The following RD3 variants were observed in gnomAD, a reference collection of about 807,000 sequenced individuals.
RD3 encodes protein RD3.
RD3 carries 11 observed loss-of-function variants against 16.9 expected under a neutral mutation model. That is an observed-to-expected ratio of 0.65 (90% CI 0.41 to 1.08). The LOEUF (loss-of-function observed/expected upper bound fraction) is 1.08, where lower values mean the gene tolerates loss of function less well. Among genes scored for constraint, RD3 ranks in the 50% least tolerant of loss-of-function variants. The pLI, the probability that RD3 is intolerant of heterozygous loss-of-function variation, is 0.00. For synonymous variants in RD3, 116 were observed against 114.8 expected, an observed-to-expected ratio of 1.01 and a Z score of -0.07; for missense variants, 274 against 267.4, an observed-to-expected ratio of 1.02 and a Z score of -0.17.
chr1:211,477,162 T>A lies in RD3; in HGVS notation c.*1874A>T, dbSNP rs550383283. 1.8e-4 allele frequency: 27 copies of A among 152,198 alleles called. No homozygotes were observed. Among genetic ancestry groups the A allele is most frequent in the African/African-American group, 5.8e-4 (24 of 41,492 alleles). The allele number at this position is 152,198 out of a possible 1,614,324, so 9.4% of individuals were successfully genotyped here. A position where few individuals can be genotyped will look rare whatever the true frequency, so the allele number is the denominator to read the frequency against. On this transcript the variant is annotated 3_prime_UTR_variant, in exon 3 of 3. Coordinates refer to ENST00000680073, the MANE Select transcript of RD3 (RefSeq NM_001164688.2). ...CAAAAAAGCACAGCTTGGACCCACA[T>A]CAAAAGTTTGGCAGCCAGGCACAGT...
chr1:211,486,024 C>G (rs1257595457), intron 1 of RD3, among the ~76,000 whole-genome samples: 1 of 151,284 alleles, frequency 6.6e-6, no homozygotes, highest in Non-Finnish European at 1.5e-5. Context: ...GCCTGTAGTT[C>G]CAACTACTCA....
At chr1:211,485,884 C>T (rs953117641) in intron 1 of RD3, among the ~76,000 whole-genome samples, 5 of 152,172 alleles carry the variant, frequency 3.3e-5, no homozygotes, top group African/African-American at 7.2e-5. Flanking sequence ...AGGCCAGGCA[C>T]GATGGCTCAT....
At position 211,478,154 on chromosome 1, in the gene RD3, G is replaced by A. The variant is rs760692968; in HGVS notation, c.*882C>T. 14 of 398,586 alleles carry A rather than the reference G, an allele frequency of 3.5e-5. No homozygotes were observed. The highest frequency in any genetic ancestry group is 1.3e-4 in the Admixed American group (3 of 22,716). The allele number at this position is 398,586 out of a possible 1,614,324, so 24.7% of individuals were successfully genotyped here. On this transcript the variant is annotated 3_prime_UTR_variant, in exon 3 of 3. Coordinates refer to ENST00000680073, the MANE Select transcript of RD3 (RefSeq NM_001164688.2). The stretch of plus-strand genomic sequence containing the variant: ...CTTTAGGGCAGCATCTGAAGTCCTT[G>A]GAGCTGAGCCTCTGGAAGAAGCTGT...
chr1:211,479,064 G>A lies in RD3; in HGVS notation c.560C>T (p.Pro187Leu). The A allele has an allele frequency of 1.2e-6, 2 of 1,605,250 alleles. No homozygotes were observed. Among genetic ancestry groups the A allele is most frequent in the East Asian group, 2.2e-5 (1 of 44,724 alleles). ...GTCGGCTTTGGGCGCCCGGAATTCG[G>A]GCATGCTCCAGGACCGCAGTGGCGG... Reference protein sequence around the residue: ...TPPPLRSWSMPEFRAPKAD With the variant: ...TPPPLRSWSMLEFRAPKAD The change falls in exon 3 of 3, where the codon CCC becomes CTC. Residue 187 changes from proline to leucine, a missense_variant. Transcript: ENST00000680073.
At chr1:211,482,514 G>T (rs1705295358) in intron 1 of RD3, among the ~76,000 whole-genome samples, 1 of 151,868 alleles carries the variant, frequency 6.6e-6, no homozygotes, top group African/African-American at 2.4e-5. Context: ...GTGAGTGCGG[G>T]CTTCAGACAC....
At position 211,481,135 on chromosome 1, in the gene RD3, CCACAATAGGATGGGTGGATCTTAACG is replaced by C; in HGVS notation, c.255_280del (p.Cys85TrpfsTer153). The C allele has an allele frequency of 6.2e-7, 1 of 1,614,234 alleles. No individual in the cohort carries two copies. Among genetic ancestry groups the C allele is most frequent in the Non-Finnish European group, 8.5e-7 (1 of 1,180,044 alleles). ...CAGTGCTCACCTGAGGATAGCAGGCCCACAATAGGATGGGTGGATCTTAACGCAGACATCTTCCAGCTGCAACCGCT... is the reference window on the plus strand; with the variant it reads ...CAGTGCTCACCTGAGGATAGCAGGCCCAGACATCTTCCAGCTGCAACCGCT... On this transcript the variant is annotated frameshift_variant, in exon 2 of 3. Coordinates refer to ENST00000680073, the MANE Select transcript of RD3 (RefSeq NM_001164688.2). LOFTEE classifies it high-confidence loss of function.
chr1:211,486,554 A>C (rs1356091310), intron 1 of RD3, among the ~76,000 whole-genome samples: 1 of 151,214 alleles, frequency 6.6e-6, no homozygotes, highest in Non-Finnish European at 1.5e-5. Context: ...GGATGTTAGA[A>C]AATAATCCAT....
rs1196066521 is a variant in RD3 at position 211,481,382 on chromosome 1, C to T, written c.34G>A (p.Ala12Thr). 2 of 1,613,426 alleles carry T rather than the reference C, an allele frequency of 1.2e-6. No individual in the cohort carries two copies. Among genetic ancestry groups the T allele is most frequent in the Non-Finnish European group, 1.7e-6 (2 of 1,180,044 alleles). The change falls in exon 2 of 3, where the codon GCC becomes ACC. Residue 12 changes from alanine (A) to threonine (T), a missense_variant. Coordinates refer to ENST00000680073, the MANE Select transcript of RD3 (RefSeq NM_001164688.2). ...SLISWLRWNE[A>T]PSRLSTRSPA... is the part of the protein sequence containing the mutation. ...CTCCTGGTGGACAGCCGGGATGGGG[C>T]CTCGTTCCACCGAAGCCATGAGATG... is the stretch of plus-strand genomic sequence containing the variant.
At chr1:211,485,436 G>A (rs773846984) in intron 1 of RD3, among the ~76,000 whole-genome samples, 20 of 152,102 alleles carry the variant, frequency 1.3e-4, no homozygotes, top group Non-Finnish European at 1.9e-4. Flanking sequence ...CAGTGGGTCC[G>A]ATTAAGTTCT....
chr1:211,479,018 G>C lies in RD3; in HGVS notation c.*18C>G. On this transcript the variant is annotated 3_prime_UTR_variant, in exon 3 of 3. Transcript: ENST00000680073. ...CCCCTGCAGAAGGCTCCGCTTCTGGGCAGGGAAGCGGCCGGGGTCAGTCGG... is the reference window on the plus strand; with the variant it reads ...CCCCTGCAGAAGGCTCCGCTTCTGGCCAGGGAAGCGGCCGGGGTCAGTCGG... 1 of 1,587,212 alleles carries C rather than the reference G, an allele frequency of 6.3e-7. No homozygotes were observed. The highest frequency in any genetic ancestry group is 8.5e-7 in the Non-Finnish European group (1 of 1,170,132).
intron 1 of RD3, among the ~76,000 whole-genome samples, chr1:211,491,547 C>T: frequency 6.6e-6 from 1 of 152,154 alleles, no homozygotes; most frequent in African/African-American, 2.4e-5. Context: ...AGCTGCAGGA[C>T]CCTCATCGGT....
rs1705154570 is a variant in RD3 at position 211,476,652 on chromosome 1, G to A, written c.*2384C>T. ...ACCCTCATGAATTTGAGAGCCACCAGCTGGGGATAGCCTGTAGTAGTCTGA... is the reference window on the plus strand; with the variant it reads ...ACCCTCATGAATTTGAGAGCCACCAACTGGGGATAGCCTGTAGTAGTCTGA... On this transcript the variant is annotated 3_prime_UTR_variant, in exon 3 of 3. Coordinates refer to ENST00000680073, the MANE Select transcript of RD3 (RefSeq NM_001164688.2). 6.6e-6 allele frequency: 1 copy of A among 152,200 alleles called. No individual in the cohort carries two copies. The highest frequency in any genetic ancestry group is 1.5e-5 in the Non-Finnish European group (1 of 68,046). 9.4% of individuals were successfully genotyped at this position (152,200 alleles called of 1,614,324 possible).
chr1:211,479,224 C>T lies in RD3; in HGVS notation c.400G>A (p.Glu134Lys). 1.9e-6 allele frequency: 3 copies of T among 1,610,280 alleles called. No homozygotes were observed. The highest frequency in any genetic ancestry group is 2.5e-6 in the Non-Finnish European group (3 of 1,178,642). The change falls in exon 3 of 3, where the codon GAG becomes AAG. Residue 134 changes from glutamate to lysine, a missense_variant. By Grantham distance (56) the Glu-to-Lys change is moderately conservative (BLOSUM62 1). Coordinates refer to ENST00000680073, the MANE Select transcript of RD3 (RefSeq NM_001164688.2). ...EVLERMKQEE[E>K]AHKLTRQWSL... ...CACTGGCGCGTCAGCTTGTGGGCCT[C>T]CTCTTCCTGCTTCATCCTCTCCAGG...
At chr1:211,489,532 G>A (rs1015993166) in intron 1 of RD3, among the ~76,000 whole-genome samples, 1 of 151,170 alleles carries the variant, frequency 6.6e-6, no homozygotes, top group Admixed American at 6.6e-5. Context: ...ATGTTGATAG[G>A]GAAGCACACA....
rs78551127 is a variant in RD3, at chr1:211,485,615, A to G, written c.-11-4189T>C. ...GTGGTGCCTGGGGGAGGTCTGTTAA[A>G]CAACAGAAAGAGTGACCTTTGGTGA... is the stretch of plus-strand genomic sequence containing the variant. On this transcript the variant is annotated intron_variant, in intron 1 of 2. Coordinates refer to ENST00000680073, the MANE Select transcript of RD3 (RefSeq NM_001164688.2). Among the ~76,000 whole-genome samples, 81 of 152,216 alleles carry G rather than the reference A, an allele frequency of 5.3e-4. No individual in the cohort carries two copies. In the East Asian group the frequency reaches 0.015, roughly 28 times the overall value.
At chr1:211,491,472 G>T (rs1042427650) in intron 1 of RD3, among the ~76,000 whole-genome samples, 6 of 152,148 alleles carry the variant, frequency 3.9e-5, no homozygotes, top group Non-Finnish European at 8.8e-5. Flanking sequence ...TGCAGTTCCA[G>T]AACAGGCAAA....
intron 1 of RD3, among the ~76,000 whole-genome samples, chr1:211,485,061 G>C (rs1705346262): frequency 6.6e-6 from 1 of 152,252 alleles, no homozygotes; most frequent in Non-Finnish European, 1.5e-5. Flanking sequence ...CCTCAAGGCA[G>C]AGTAAGGCCA....
Position 211,477,832 on chromosome 1 carries a change from A to C in RD3, c.*1204T>G, listed in dbSNP as rs1483595724. ...TGTGTGCTGGTAGTTGAGGGTAGAC[A>C]CTTCCCCACCCATCCCCCTTACACC... On this transcript the variant is annotated 3_prime_UTR_variant, in exon 3 of 3. Coordinates refer to ENST00000680073, the MANE Select transcript of RD3 (RefSeq NM_001164688.2). 5.5e-6 allele frequency: 2 copies of C among 364,682 alleles called. No individual in the cohort carries two copies. Among genetic ancestry groups the C allele is most frequent in the East Asian group, 8.1e-5 (2 of 24,778 alleles). The allele number at this position is 364,682 out of a possible 1,614,324, so 22.6% of individuals were successfully genotyped here.
At chr1:211,487,404 G>A (rs6667063) in intron 1 of RD3, among the ~76,000 whole-genome samples, 35,121 of 152,064 alleles carry the variant, frequency 0.23, 4,285 homozygotes, top group Non-Finnish European at 0.27. Context: ...AAATGTGTAC[G>A]CCTTTTCTCT....
Sources: gnomAD v4.1 joint callset for allele counts (sites outside exome capture counted in the v4.1 genomes callset) on GRCh38, gnomAD v4.1.1 for gene constraint, MANE v1.5 for transcripts, NCBI Gene and HGNC (gene_info 2026-07-23, HGNC 2026-07-21) for gene names.